COX17: variants seen among roughly 807,000 people sequenced by gnomAD.
COX17 encodes the protein cytochrome c oxidase copper chaperone COX17.
A neutral mutation model predicts 6.3 loss-of-function variants in COX17; 1 was observed. The observed-to-expected ratio is 0.16, with a 90% CI of 0.06 to 0.75. The LOEUF (loss-of-function observed/expected upper bound fraction) is 0.75. Among genes scored for constraint, COX17 ranks in the 30% least tolerant of loss-of-function variants. The pLI is 0.77. For synonymous variants in COX17, 26 were observed against 30.5 expected, an observed-to-expected ratio of 0.85 and a Z score of 0.49; for missense variants, 73 against 81.2, an observed-to-expected ratio of 0.90 and a Z score of 0.39.
At chr3:119,667,415 A>T (rs965832851), downstream of COX17, among the ~76,000 whole-genome samples, 24 of 152,146 alleles carry the variant, frequency 1.6e-4, no homozygotes, top group African/African-American at 5.8e-4. Flanking sequence ...TCCCTTACAA[A>T]TCAGGCAAGC....
At chr3:119,664,643 G>C (rs148122352), downstream of COX17, among the ~76,000 whole-genome samples, 246 of 152,296 alleles carry the variant, frequency 1.6e-3, 1 homozygote, top group African/African-American at 5.7e-3. Flanking sequence ...AACTCAGCCT[G>C]GTCTTCAAAC....
chr3:119,671,087 C>A (rs2053039110), intron 2 of COX17, among the ~76,000 whole-genome samples: 1 of 152,128 alleles, frequency 6.6e-6, no homozygotes, highest in South Asian at 2.1e-4. Flanking sequence ...CAAGTCTCTG[C>A]CTTTGCTACT....
intron 2 of COX17, among the ~76,000 whole-genome samples, chr3:119,673,240 A>G (rs2053062942): frequency 6.6e-6 from 1 of 152,202 alleles, no homozygotes; most frequent in African/African-American, 2.4e-5. Flanking sequence ...TTCCTTATTT[A>G]TTCATTCATT....
At chr3:119,675,254 G>A in intron 1 of COX17, 21 bp from the exon 2 acceptor site, 1 of 1,549,002 alleles carries the variant, frequency 6.5e-7, no homozygotes, top group Non-Finnish European at 8.9e-7. Flanking sequence ...AAATGTACTT[G>A]TTATCTAAAT....
intron 2 of COX17, 42 bp from the exon 3 acceptor site, chr3:119,669,707 T>A (rs771803201): frequency 6.6e-6 from 1 of 152,162 alleles, no homozygotes; most frequent in Non-Finnish European, 1.5e-5. Context: ...ATTTCAAACA[T>A]CATGCCAGAT....
downstream of COX17, among the ~76,000 whole-genome samples, chr3:119,667,830 C>G (rs1377151552): frequency 1.3e-5 from 2 of 151,544 alleles, no homozygotes; most frequent in Non-Finnish European, 2.9e-5. Context: ...TTAAACCAAC[C>G]AACAAAATAA....
downstream of COX17, among the ~76,000 whole-genome samples, chr3:119,668,874 C>T (rs1292047500): frequency 1.3e-5 from 2 of 152,010 alleles, no homozygotes; most frequent in Non-Finnish European, 2.9e-5. Flanking sequence ...GACAAGGTTG[C>T]TATACTAAGG....
At chr3:119,665,937 C>G (rs2052988734), downstream of COX17, among the ~76,000 whole-genome samples, 1 of 152,182 alleles carries the variant, frequency 6.6e-6, no homozygotes, top group Admixed American at 6.5e-5. Flanking sequence ...CAATAATTTT[C>G]TTTCTAAAGT....
At chr3:119,676,955 C>G (rs918374422) in intron 1 of COX17, 8 of 698,762 alleles carry the variant, frequency 1.1e-5, no homozygotes, top group South Asian at 4.4e-5. Context: ...AACAGAGACC[C>G]GACCACGAAA....
chr3:119,665,546 T>C (rs1037578825), downstream of COX17, among the ~76,000 whole-genome samples: 2 of 152,134 alleles, frequency 1.3e-5, no homozygotes, highest in African/African-American at 4.8e-5. Flanking sequence ...GCTAATGTTT[T>C]TATTTTCTGT....
intron 2 of COX17, among the ~76,000 whole-genome samples, chr3:119,670,524 C>T (rs79584433): frequency 6.6e-6 from 1 of 152,270 alleles, no homozygotes; most frequent in East Asian, 1.9e-4. Context: ...AGCATTGTTA[C>T]GACTTTTGCG....
At chr3:119,666,865 A>G (rs1276300866), downstream of COX17, 2 of 152,196 alleles carry the variant, frequency 1.3e-5, no homozygotes, top group Non-Finnish European at 2.9e-5. Flanking sequence ...CTACAAATAC[A>G]TGATGTTTAT....
intron 2 of COX17, chr3:119,674,772 G>A (rs181613073): frequency 4.6e-4 from 80 of 174,798 alleles, no homozygotes; most frequent in Admixed American, 1.1e-3. Context: ...CCCCAGCCTG[G>A]GTAACAGAGT....
intron 2 of COX17, among the ~76,000 whole-genome samples, chr3:119,670,560 T>G (rs2053033832): frequency 6.6e-6 from 1 of 152,180 alleles, no homozygotes; most frequent in Non-Finnish European, 1.5e-5. Flanking sequence ...AAAGGGGCTG[T>G]GTGGTGGAAG....
chr3:119,675,086 G>T, intron 2 of COX17, 59 bp downstream of exon 2: 1 of 1,180,368 alleles, frequency 8.5e-7, no homozygotes, highest in Non-Finnish European at 1.3e-6. Flanking sequence ...CAGAGAGAAT[G>T]TAGCCCAATT....
chr3:119,673,688 G>C (rs2107834641), intron 2 of COX17, among the ~76,000 whole-genome samples: 1 of 152,336 alleles, frequency 6.6e-6, no homozygotes, highest in South Asian at 2.1e-4. Context: ...AGAGACCTGA[G>C]TAAAGAGGGA....
At chr3:119,675,042 T>A in intron 2 of COX17, 103 bp downstream of exon 2, 1 of 787,134 alleles carries the variant, frequency 1.3e-6, no homozygotes, top group South Asian at 1.6e-5. Flanking sequence ...AATTGATACT[T>A]AAGCATTTTA....
downstream of COX17, chr3:119,669,159 T>C (rs957663764): frequency 6.6e-6 from 1 of 151,334 alleles, no homozygotes; most frequent in African/African-American, 2.4e-5. Context: ...GTCCAAAATC[T>C]AAACTAACTT....
At chr3:119,675,445 G>T in intron 1 of COX17, 1 of 505,228 alleles carries the variant, frequency 2.0e-6, no homozygotes, top group Non-Finnish European at 3.5e-6. Context: ...ATTTTGGGGG[G>T]GAAATCTGAT....
Sources: gnomAD v4.1 joint callset for allele counts (sites outside exome capture counted in the v4.1 genomes callset) on GRCh38, gnomAD v4.1.1 for gene constraint, MANE v1.5 for transcripts, NCBI Gene and HGNC (gene_info 2026-07-23, HGNC 2026-07-21) for gene names.